Variants in PCDH11X observed in about 807,000 individuals in gnomAD.
The protein encoded by PCDH11X is protocadherin-11 X-linked.
PCDH11X carries 18 observed loss-of-function variants against 53.3 expected under a neutral mutation model. That is an observed-to-expected ratio of 0.34 (90% CI 0.23 to 0.50). PCDH11X has a LOEUF of 0.50. PCDH11X is among the 20% of genes least tolerant of loss of function. The probability of loss-of-function intolerance (pLI) is 0.98; values close to 1 mark genes in which losing one functional copy is unlikely to be tolerated. For missense variants in PCDH11X, 570 were observed against 1,032.4 expected (o/e 0.55, Z 6.14); for synonymous variants, 279 against 393.3 (o/e 0.71, Z 3.44).
At chrX:91,875,277 A>ATTT (rs1179910381) in intron 5 of PCDH11X, among the ~76,000 whole-genome samples, 34 of 63,730 alleles carry the variant, frequency 5.3e-4, no homozygotes, top group East Asian at 4.8e-3. Flanking sequence ...CAGGGAGGGG[A>ATTT]TTTTTTTTTT....
chrX:92,014,428 C>T (rs1159103222), intron 6 of PCDH11X, among the ~76,000 whole-genome samples: 1 of 109,352 alleles, frequency 9.1e-6, no homozygotes, highest in African/African-American at 3.3e-5. Context: ...CACTTTTACA[C>T]TGTTGGTGGG....
At chrX:91,847,385 A>C (rs1937741524) in intron 5 of PCDH11X, among the ~76,000 whole-genome samples, 1 of 111,106 alleles carries the variant, frequency 9.0e-6, no homozygotes, top group Admixed American at 9.7e-5. Flanking sequence ...TTTGTTATCT[A>C]TTTGCCCTGT....
intron 6 of PCDH11X, among the ~76,000 whole-genome samples, chrX:92,048,396 C>A (rs1350044032): frequency 9.0e-6 from 1 of 110,703 alleles, no homozygotes; most frequent in African/African-American, 3.3e-5. Context: ...GTAAATGAAA[C>A]AAAAAAGCTC....
At chrX:92,260,364 GT>G (rs1343501829) in intron 7 of PCDH11X, among the ~76,000 whole-genome samples, 1 of 110,700 alleles carries the variant, frequency 9.0e-6, no homozygotes, top group Non-Finnish European at 1.9e-5. Flanking sequence ...TTTCCTTTCT[GT>G]TTTAACAAAA....
At chrX:92,477,335 T>G (rs770147020) in intron 10 of PCDH11X, among the ~76,000 whole-genome samples, 42 of 104,102 alleles carry the variant, frequency 4.0e-4, no homozygotes, top group African/African-American at 1.4e-3. Context: ...TTCCCACTCT[T>G]CTTTCCTTTT....
chrX:92,336,485 C>T (rs2069621587), intron 8 of PCDH11X, among the ~76,000 whole-genome samples: 1 of 111,785 alleles, frequency 8.9e-6, no homozygotes, highest in South Asian at 3.7e-4. Context: ...ATTGATCATT[C>T]ACATTATTTC....
chrX:92,105,026 T>A (rs2064346705), intron 6 of PCDH11X, among the ~76,000 whole-genome samples: 1 of 107,270 alleles, frequency 9.3e-6, no homozygotes. Context: ...CCCTGCGTGG[T>A]CTGACATCCT....
chrX:92,218,243 T>G (rs1159616214), intron 7 of PCDH11X, among the ~76,000 whole-genome samples: 1 of 109,840 alleles, frequency 9.1e-6, no homozygotes, highest in African/African-American at 3.3e-5. Context: ...CTTCAAAAAA[T>G]TAATGAATCC....
intron 6 of PCDH11X, among the ~76,000 whole-genome samples, chrX:92,052,331 G>T (rs1297040407): frequency 1.0e-5 from 1 of 97,983 alleles, no homozygotes; most frequent in Non-Finnish European, 2.1e-5. Flanking sequence ...AGTTTTGTGG[G>T]AATGGGATCA....
At chrX:92,435,822 C>T (rs1179348715) in intron 9 of PCDH11X, among the ~76,000 whole-genome samples, 1 of 110,880 alleles carries the variant, frequency 9.0e-6, no homozygotes, top group Non-Finnish European at 1.9e-5. Flanking sequence ...TGCTACCAGC[C>T]TATATAAAAA....
At chrX:91,814,912 CTTTG>C (rs994198967) in intron 4 of PCDH11X, among the ~76,000 whole-genome samples, 4 of 109,367 alleles carry the variant, frequency 3.7e-5, no homozygotes, top group African/African-American at 1.3e-4. Flanking sequence ...ATACAAATAC[CTTTG>C]TTTATTATTT....
At chrX:91,994,992 T>C in intron 6 of PCDH11X, among the ~76,000 whole-genome samples, 1 of 111,564 alleles carries the variant, frequency 9.0e-6, no homozygotes, top group Admixed American at 9.5e-5. Flanking sequence ...GTTCATTGGA[T>C]TATTCGGTGT....
intron 6 of PCDH11X, among the ~76,000 whole-genome samples, chrX:92,031,614 A>G (rs1408238385): frequency 1.8e-5 from 2 of 111,649 alleles, no homozygotes; most frequent in East Asian, 5.6e-4. Context: ...TCATAATTTC[A>G]TGTCTTAGAT....
At chrX:91,972,208 G>A (rs1293217427) in intron 6 of PCDH11X, among the ~76,000 whole-genome samples, 1 of 102,933 alleles carries the variant, frequency 9.7e-6, no homozygotes, top group Non-Finnish European at 2.0e-5. Context: ...GTGAAGATGA[G>A]CATTTTTTCA....
At chrX:92,193,763 A>T (rs932208628) in intron 6 of PCDH11X, among the ~76,000 whole-genome samples, 1 of 111,806 alleles carries the variant, frequency 8.9e-6, no homozygotes, top group African/African-American at 3.2e-5. Context: ...CTCTTAAAAA[A>T]TTTTAAAATA....
At chrX:92,577,689 A>T (rs6619079) in intron 10 of PCDH11X, among the ~76,000 whole-genome samples, 10,210 of 110,777 alleles carry the variant, frequency 0.092, 506 homozygotes, top group East Asian at 0.4. Flanking sequence ...GTGCTGTGAA[A>T]TGTTCTCTTA....
intron 6 of PCDH11X, among the ~76,000 whole-genome samples, chrX:92,023,093 T>C (rs1440268827): frequency 2.7e-5 from 3 of 109,484 alleles, no homozygotes; most frequent in African/African-American, 1.0e-4. Context: ...CACCCTAACA[T>C]TGCAATAAAA....
At chrX:92,559,347 A>C (rs1375822055) in intron 10 of PCDH11X, among the ~76,000 whole-genome samples, 2 of 111,364 alleles carry the variant, frequency 1.8e-5, no homozygotes, top group Non-Finnish European at 3.8e-5. Context: ...CCTTTAAAAA[A>C]ATACAAATAG....
chrX:91,900,296 G>A lies in PCDH11X; in HGVS notation c.3033+21023G>A, dbSNP rs2524559. Among the ~76,000 whole-genome samples, 536 of 110,365 alleles carry A rather than the reference G, an allele frequency of 4.9e-3. 6 individuals are homozygous for A. The highest frequency in any genetic ancestry group is 0.017 in the African/African-American group (515 of 30,307). Reference sequence around the variant, plus strand: ...TTTAATGGAATTGTTGTTGTGTCTCGTGGTGGCAGCATTCCTCCCTCTGGA... The same window carrying A: ...TTTAATGGAATTGTTGTTGTGTCTCATGGTGGCAGCATTCCTCCCTCTGGA... On this transcript the variant is annotated intron_variant, in intron 6 of 10. Transcript: ENST00000682573.
Sources: gnomAD v4.1 joint callset for allele counts (sites outside exome capture counted in the v4.1 genomes callset) on GRCh38, gnomAD v4.1.1 for gene constraint, MANE v1.5 for transcripts, NCBI Gene and HGNC (gene_info 2026-07-23, HGNC 2026-07-21) for gene names.